The following KIAA1217 variants were observed in gnomAD, a reference collection of about 807,000 sequenced individuals.
KIAA1217 encodes KIAA1217, also known as sickle tail protein homolog.
In KIAA1217, 88 loss-of-function variants were observed where a neutral mutation model predicts 163.9. That is an observed-to-expected ratio of 0.54 (90% CI 0.45 to 0.64). The LOEUF is 0.64. Among genes scored for constraint, KIAA1217 ranks in the 30% least tolerant of loss-of-function variants. The pLI is 0.00. For synonymous variants in KIAA1217, 903 were observed against 923.1 expected (o/e 0.98, Z 0.39); for missense variants, 2,372 against 2,475.0 (o/e 0.96, Z 0.88).
At chr10:24,053,365 T>A (rs1213231872) in intron 2 of KIAA1217, among the ~76,000 whole-genome samples, 1 of 152,160 alleles carries the variant, frequency 6.6e-6, no homozygotes, top group Non-Finnish European at 1.5e-5. Context: ...AACACAATTA[T>A]TTAGACTGTA....
At chr10:23,735,634 T>C (rs1692244112) in intron 1 of KIAA1217, among the ~76,000 whole-genome samples, 1 of 152,082 alleles carries the variant, frequency 6.6e-6, no homozygotes, top group African/African-American at 2.4e-5. Flanking sequence ...TTTAATTAGG[T>C]TATTTGCTTT....
chr10:23,764,675 T>G (rs1834425455), intron 1 of KIAA1217, among the ~76,000 whole-genome samples: 1 of 152,162 alleles, frequency 6.6e-6, no homozygotes, highest in African/African-American at 2.4e-5. Flanking sequence ...GCCATCATCC[T>G]CAGCAAACTA....
At chr10:24,443,516 A>G (rs1282381085) in intron 5 of KIAA1217, among the ~76,000 whole-genome samples, 1 of 151,948 alleles carries the variant, frequency 6.6e-6, no homozygotes, top group African/African-American at 2.4e-5. Context: ...CATCTAACAT[A>G]TTCCAGAACA....
intron 2 of KIAA1217, among the ~76,000 whole-genome samples, chr10:24,091,278 T>C (rs573006205): frequency 6.6e-6 from 1 of 152,036 alleles, no homozygotes; most frequent in South Asian, 2.1e-4. Flanking sequence ...AAATGGCAAC[T>C]TCTTAAACAA....
Position 24,546,201 on chromosome 10 carries a change from C to T in KIAA1217, c.5709C>T (p.Ser1903=), listed in dbSNP as rs138680991. The change falls in exon 21 of 21, where the codon TCC becomes TCT. Residue 1903 remains serine (S), a synonymous_variant. Transcript: ENST00000376454. ...FSSSPPSPAS[S]VSLNQGAKGT... ...CCTCCCCTCCTTCTCCTGCCTCCTC[C>T]GTCTCACTGAATCAAGGTGCCAAGG... The T allele has an allele frequency of 1.5e-5, 24 of 1,614,064 alleles. No homozygotes were observed. The African/African-American group carries it at 2.5e-4, about 17-fold the overall frequency.
intron 1 of KIAA1217, among the ~76,000 whole-genome samples, chr10:23,698,936 C>A (rs1836223591): frequency 6.6e-6 from 1 of 152,196 alleles, no homozygotes; most frequent in Admixed American, 6.5e-5. Context: ...AAGTGTACAC[C>A]ACCGTGCCTG....
chr10:23,827,066 A>G (rs921398282), intron 1 of KIAA1217, among the ~76,000 whole-genome samples: 2 of 152,210 alleles, frequency 1.3e-5, no homozygotes, highest in African/African-American at 4.8e-5. Context: ...CAAATTCAGG[A>G]AAGTGAGGCA....
At chr10:23,753,083 A>T (rs1351458275) in intron 1 of KIAA1217, among the ~76,000 whole-genome samples, 1 of 152,098 alleles carries the variant, frequency 6.6e-6, no homozygotes, top group Non-Finnish European at 1.5e-5. Context: ...CATGCTTCTT[A>T]TTTTTTATGG....
intron 2 of KIAA1217, among the ~76,000 whole-genome samples, chr10:24,258,424 G>C (rs975902288): frequency 6.6e-6 from 1 of 152,084 alleles, no homozygotes; most frequent in African/African-American, 2.4e-5. Flanking sequence ...GTGACTGTGA[G>C]AGAACAAATG....
At chr10:24,290,360 C>T (rs1022827122) in intron 2 of KIAA1217, among the ~76,000 whole-genome samples, 6 of 152,056 alleles carry the variant, frequency 3.9e-5, no homozygotes, top group Non-Finnish European at 5.9e-5. Flanking sequence ...TGATTTTAAT[C>T]ACAATTTCTC....
Position 24,463,544 on chromosome 10 carries a change from A to G in KIAA1217, c.847-9684A>G, listed in dbSNP as rs192127905. Reference sequence around the variant, plus strand: ...GCAATCTTCCCAATTTTACCAATGCAAACAAGATGAATTTGAAATTTTTTC... The same window carrying G: ...GCAATCTTCCCAATTTTACCAATGCGAACAAGATGAATTTGAAATTTTTTC... On this transcript the variant is annotated intron_variant, in intron 5 of 20. Coordinates refer to ENST00000376454, the MANE Select transcript of KIAA1217 (RefSeq NM_019590.5). Among the ~76,000 whole-genome samples, 1,262 of 152,334 alleles carry G rather than the reference A, an allele frequency of 8.3e-3. 11 individuals carry two copies. The highest frequency in any genetic ancestry group is 0.01 in the Non-Finnish European group (711 of 68,032).
intron 2 of KIAA1217, among the ~76,000 whole-genome samples, chr10:24,303,141 G>A (rs971847259): frequency 1.3e-5 from 2 of 151,994 alleles, no homozygotes; most frequent in African/African-American, 4.8e-5. Context: ...AGCCTTCCTA[G>A]TAGCTGGGAC....
At chr10:23,856,939 A>G (rs1420017153) in intron 1 of KIAA1217, among the ~76,000 whole-genome samples, 2 of 152,158 alleles carry the variant, frequency 1.3e-5, no homozygotes, top group Non-Finnish European at 2.9e-5. Context: ...TAGGAAAGGG[A>G]ACTCCCTGAC....
At chr10:23,770,634 T>A (rs1834753485) in intron 1 of KIAA1217, among the ~76,000 whole-genome samples, 1 of 152,214 alleles carries the variant, frequency 6.6e-6, no homozygotes, top group African/African-American at 2.4e-5. Context: ...CAGTGGTTTT[T>A]CTGAGAGAGT....
chr10:24,483,019 CA>C (rs397846909), intron 6 of KIAA1217: 22,814 of 95,564 alleles, frequency 0.24, 1,849 homozygotes, highest in South Asian at 0.43. Context: ...GATCCTGTCT[CA>C]AAAAAAAAAA....
In KIAA1217 at chr10:24,391,040, C is replaced by G. The variant is rs565592155; in HGVS notation, c.553+9973C>G. Among the ~76,000 whole-genome samples the G allele has an allele frequency of 2.0e-5, 3 of 152,264 alleles. No homozygotes were observed. In the South Asian group the frequency reaches 6.2e-4, roughly 32 times the overall value. Reference sequence around the variant, plus strand: ...TGATTAAAATTCCTGGGTTGAAACTCTAGAAGAGATTTCTCAAACTTTGAA... The same window carrying G: ...TGATTAAAATTCCTGGGTTGAAACTGTAGAAGAGATTTCTCAAACTTTGAA... On this transcript the variant is annotated intron_variant, in intron 3 of 20. Transcript: ENST00000376454.
intron 1 of KIAA1217, among the ~76,000 whole-genome samples, chr10:23,847,908 T>C (rs1402636859): frequency 6.6e-6 from 1 of 152,176 alleles, no homozygotes; most frequent in Admixed American, 6.6e-5. Context: ...GAGATTCTGG[T>C]ACATTGTGTC....
At chr10:24,065,353 C>T (rs1252154068) in intron 2 of KIAA1217, among the ~76,000 whole-genome samples, 4 of 152,124 alleles carry the variant, frequency 2.6e-5, no homozygotes, top group South Asian at 4.2e-4. Context: ...TCTTTGTTCT[C>T]GTTGGTTTCA....
chr10:23,778,280 T>A (rs1196742455), intron 1 of KIAA1217, among the ~76,000 whole-genome samples: 1 of 152,190 alleles, frequency 6.6e-6, no homozygotes, highest in African/African-American at 2.4e-5. Context: ...CACCAGTTGC[T>A]GGATAAAAAC....
Sources: allele counts gnomAD v4.1 joint callset (sites outside exome capture counted in the v4.1 genomes callset), GRCh38; gene constraint gnomAD v4.1.1; transcripts MANE v1.5; gene names NCBI Gene and HGNC (gene_info 2026-07-23, HGNC 2026-07-21).